Variants in FRMPD1 observed in about 807,000 individuals in gnomAD.
The protein encoded by FRMPD1 is FERM and PDZ domain containing 1.
FRMPD1 carries 76 observed loss-of-function variants against 117.8 expected under a neutral mutation model. The observed-to-expected ratio is 0.65, with a 90% CI of 0.54 to 0.78. The LOEUF (loss-of-function observed/expected upper bound fraction) is 0.78. Among genes scored for constraint, FRMPD1 ranks in the 30% least tolerant of loss-of-function variants. The probability of loss-of-function intolerance (pLI) is 0.00; values close to 1 mark genes in which losing one functional copy is unlikely to be tolerated. For missense variants in FRMPD1, 1,786 were observed against 1,964.5 expected, an observed-to-expected ratio of 0.91 and a Z score of 1.72; for synonymous variants, 783 against 770.4, an observed-to-expected ratio of 1.02 and a Z score of -0.27.
intron 6 of FRMPD1, among the ~76,000 whole-genome samples, chr9:37,722,612 G>A (rs1364792302): frequency 6.6e-6 from 1 of 152,024 alleles, no homozygotes; most frequent in Non-Finnish European, 1.5e-5. Context: ...TTCACCATGT[G>A]TAGGCTTTAT....
chr9:37,605,594 T>C, the FRMPD1 span, among the ~76,000 whole-genome samples: 1 of 152,218 alleles, frequency 6.6e-6, no homozygotes, highest in South Asian at 2.1e-4. Context: ...ACCTATCTGA[T>C]AGGACTTTGG....
At chr9:37,729,948 C>T (rs866565904) in intron 8 of FRMPD1, 95 bp downstream of exon 8, 1 of 1,308,680 alleles carries the variant, frequency 7.6e-7, no homozygotes, top group Middle Eastern at 2.2e-4. Context: ...AGCACATCTG[C>T]AGGTTTGATG....
intron 1 of FRMPD1, among the ~76,000 whole-genome samples, chr9:37,672,580 C>T (rs1821390685): frequency 1.3e-5 from 2 of 152,056 alleles, no homozygotes; most frequent in African/African-American, 4.8e-5. Context: ...GTGGGAAAAC[C>T]AAAGCACAAA....
intron 1 of FRMPD1, among the ~76,000 whole-genome samples, chr9:37,685,123 A>C (rs558572223): frequency 5.3e-5 from 8 of 152,330 alleles, no homozygotes; most frequent in East Asian, 1.9e-4. Flanking sequence ...AGAGAAAGAT[A>C]ATGAACTTGA....
the FRMPD1 span, among the ~76,000 whole-genome samples, chr9:37,619,563 G>A: frequency 2.6e-5 from 4 of 151,992 alleles, no homozygotes; most frequent in African/African-American, 7.3e-5. Flanking sequence ...TTTGAGACCC[G>A]CCTGGCCAAC....
the FRMPD1 span, among the ~76,000 whole-genome samples, chr9:37,628,365 G>A: frequency 6.6e-6 from 1 of 152,272 alleles, no homozygotes; most frequent in Non-Finnish European, 1.5e-5. Context: ...CAGGACAAAA[G>A]AGAACTTGTA....
At position 37,740,114 on chromosome 9, in the gene FRMPD1, C is replaced by T; in HGVS notation, c.1586C>T (p.Ser529Phe). The T allele has an allele frequency of 6.2e-7, 1 of 1,612,466 alleles. No individual in the cohort carries two copies. Among genetic ancestry groups the T allele is most frequent in the Non-Finnish European group, 8.5e-7 (1 of 1,179,176 alleles). ...ESRACSDSEE[S>F]SEVDCVLEPL... ...AGGGCCTGCAGTGACTCAGAGGAGT[C>T]CTCTGAGGTGGACTGCGTACTCGAA... The change falls in exon 15 of 16, where the codon TCC becomes TTC. Residue 529 changes from serine (S) to phenylalanine (F), a missense_variant. Transcript: ENST00000377765. This position sits in a 1 kb window ranked among gnomAD's most constrained non-coding sequence, Gnocchi z 4.2.
chr9:37,632,123 A>G, the FRMPD1 span, among the ~76,000 whole-genome samples: 57 of 152,318 alleles, frequency 3.7e-4, 1 homozygote, highest in South Asian at 3.9e-3. Flanking sequence ...ATTTAAACCT[A>G]CATTTTTTTA....
chr9:37,684,811 T>C (rs1821863612), intron 1 of FRMPD1, among the ~76,000 whole-genome samples: 1 of 152,200 alleles, frequency 6.6e-6, no homozygotes, highest in African/African-American at 2.4e-5. Flanking sequence ...TACAGTGCAG[T>C]GGCATGGTCA....
At chr9:37,637,310 C>G in the FRMPD1 span, 3 of 1,217,628 alleles carry the variant, frequency 2.5e-6, no homozygotes, top group Non-Finnish European at 3.7e-6. Flanking sequence ...GGCGGAAGCC[C>G]GCTCAGTCGC....
Position 37,746,185 on chromosome 9 carries a change from G to T in FRMPD1, c.4153G>T (p.Ala1385Ser). The T allele has an allele frequency of 6.2e-7, 1 of 1,613,336 alleles. No homozygotes were observed. Among genetic ancestry groups the T allele is most frequent in the South Asian group, 1.1e-5 (1 of 91,078 alleles). ...PVVLPWRPAR[A>S]HSCTTAPLSR... is the part of the protein sequence containing the mutation. ...GGTTCTGCCCTGGAGGCCTGCCCGA[G>T]CCCACAGCTGCACCACCGCACCCCT... Residue 1385 changes from alanine to serine, a missense_variant, in exon 16 of 16, where the codon GCC becomes TCC. Coordinates refer to ENST00000377765, the MANE Select transcript of FRMPD1 (RefSeq NM_014907.3).
intron 7 of FRMPD1, among the ~76,000 whole-genome samples, chr9:37,727,708 G>T (rs112540458): frequency 0.018 from 1,720 of 95,200 alleles, 35 homozygotes; most frequent in African/African-American, 0.049. Flanking sequence ...GGGTAGTTAT[G>T]GGGGGTGATG....
chr9:37,739,957 C>T, intron 14 of FRMPD1, 121 bp from the exon 15 acceptor site: 2 of 748,024 alleles, frequency 2.7e-6, no homozygotes, highest in South Asian at 3.4e-5. Flanking sequence ...CGGTCTTAGG[C>T]CAGCCACCCT....
chr9:37,623,324 T>A, the FRMPD1 span, among the ~76,000 whole-genome samples: 1 of 152,168 alleles, frequency 6.6e-6, no homozygotes, highest in African/African-American at 2.4e-5. Flanking sequence ...GATAACTGTA[T>A]GTATTGAGAA....
At chr9:37,725,749 A>T (rs1288937219) in intron 7 of FRMPD1, among the ~76,000 whole-genome samples, 1 of 152,198 alleles carries the variant, frequency 6.6e-6, no homozygotes, top group Non-Finnish European at 1.5e-5. Context: ...TGAAGTAACT[A>T]GTGTTATCCC....
the FRMPD1 span, chr9:37,637,166 AC>A: frequency 6.2e-7 from 1 of 1,610,268 alleles, no homozygotes; most frequent in Non-Finnish European, 8.5e-7. Context: ...CTTGAAGTCC[AC>A]CCCGATGGTG....
intron 15 of FRMPD1, among the ~76,000 whole-genome samples, chr9:37,742,278 A>T (rs1159523845): frequency 6.6e-6 from 1 of 152,272 alleles, no homozygotes; most frequent in Non-Finnish European, 1.5e-5. Context: ...CTTGCCCTGC[A>T]GGGCCAGCCA....
chr9:37,650,512 G>C (rs1423006748), upstream of FRMPD1, among the ~76,000 whole-genome samples: 1 of 152,218 alleles, frequency 6.6e-6, no homozygotes, highest in Non-Finnish European at 1.5e-5. Flanking sequence ...TGCGGGGCGT[G>C]GGGGTCAGGG....
Position 37,740,241 on chromosome 9 carries a change from G to C in FRMPD1, c.1713G>C (p.Arg571Ser), listed in dbSNP as rs1824319807. The part of the protein sequence containing the change: ...GNSPTPEVAR[R>S]GPSTCGASST... ...GCCCCACACCTGAGGTGGCTAGGAG[G>C]GGCCCCAGCACCTGCGGGGCCAGCA... The change falls in exon 15 of 16, where the codon AGG (arginine) becomes AGC (serine). Residue 571 changes from arginine (R) to serine (S), a missense_variant. Arg to Ser is a moderately radical substitution (Grantham distance 110). Coordinates refer to ENST00000377765, the MANE Select transcript of FRMPD1 (RefSeq NM_014907.3). The surrounding 1 kb of genome is among the most constrained non-coding windows in gnomAD (Gnocchi z 4.2). 2 of 1,613,964 alleles carry C rather than the reference G, an allele frequency of 1.2e-6. No individual in the cohort carries two copies. Among genetic ancestry groups the C allele is most frequent in the Admixed American group, 3.3e-5 (2 of 60,024 alleles).
Sources: gnomAD v4.1 joint callset for allele counts (sites outside exome capture counted in the v4.1 genomes callset) on GRCh38, gnomAD v4.1.1 for gene constraint, Gnocchi (gnomAD v3.1) non-coding constraint, MANE v1.5 for transcripts, NCBI Gene and HGNC (gene_info 2026-07-23, HGNC 2026-07-21) for gene names.